Variants in IMPDH2 observed in about 807,000 individuals in gnomAD.
IMPDH2 encodes inosine monophosphate dehydrogenase 2.
In IMPDH2, 33 loss-of-function variants were observed where a neutral mutation model predicts 57.8. The observed-to-expected ratio is 0.57, with a 90% CI of 0.43 to 0.76. The LOEUF (loss-of-function observed/expected upper bound fraction) is 0.76. Ranked by LOEUF, IMPDH2 falls within the 30% of genes least tolerant of loss-of-function variation. The probability of loss-of-function intolerance (pLI) is 0.00; values close to 1 mark genes in which losing one functional copy is unlikely to be tolerated. For missense variants in IMPDH2, 446 were observed against 659.1 expected (o/e 0.68, Z 3.54); for synonymous variants, 270 against 241.3 (o/e 1.12, Z -1.10).
intron 9 of IMPDH2, chr3:49,025,555 G>A: frequency 2.2e-6 from 1 of 450,344 alleles, no homozygotes; most frequent in Non-Finnish European, 4.1e-6. Flanking sequence ...CCGTCCAGCT[G>A]GTATCAGATG....
Position 49,028,771 on chromosome 3 carries a change from G to A in IMPDH2, c.134C>T (p.Thr45Ile), listed in dbSNP as rs1470181253. ...GATCATACTCACCACCTGGTCTGCA[G>A]TGAAGTCGATGTACCCAGGGAGAAT... is the stretch of plus-strand genomic sequence containing the variant. ...FLILPGYIDF[T>I]ADQVDLTSAL... Residue 45 changes from threonine (T) to isoleucine (I), a missense_variant, in exon 2 of 14, where the codon ACT (threonine) becomes ATT (isoleucine). Coordinates refer to ENST00000326739, the MANE Select transcript of IMPDH2 (RefSeq NM_000884.3). 1 of 1,613,636 alleles carries A rather than the reference G, an allele frequency of 6.2e-7. No homozygotes were observed. Among genetic ancestry groups the A allele is most frequent in the African/African-American group, 1.3e-5 (1 of 74,922 alleles).
chr3:49,029,385 A>G lies in IMPDH2; in HGVS notation c.-35T>C. ...AGGACACCGCCGCGTGTCTCCGAGG[A>G]CCGCGCCGCAGAGACCTCTGCCGTC... On this transcript the variant is annotated 5_prime_UTR_variant, in exon 1 of 14. Transcript: ENST00000326739. 7.0e-7 allele frequency: 1 copy of G among 1,428,424 alleles called. No homozygotes were observed. Among genetic ancestry groups the G allele is most frequent in the Non-Finnish European group, 9.7e-7 (1 of 1,032,892 alleles). 88.5% of individuals were successfully genotyped at this position (1,428,424 alleles called of 1,614,324 possible).
rs372913213 is a variant in IMPDH2, at chr3:49,028,764, G to A, written c.141C>T (p.Asp47=). 2.5e-6 allele frequency: 4 copies of A among 1,613,230 alleles called. No individual in the cohort carries two copies. Among genetic ancestry groups the A allele is most frequent in the African/African-American group, 1.3e-5 (1 of 75,008 alleles). Residue 47 remains aspartate (D), a synonymous_variant, in exon 2 of 14, where the codon GAC becomes GAT. Coordinates refer to ENST00000326739, the MANE Select transcript of IMPDH2 (RefSeq NM_000884.3). The stretch of plus-strand genomic sequence containing the variant: ...AATTCCTGATCATACTCACCACCTG[G>A]TCTGCAGTGAAGTCGATGTACCCAG... The part of the protein sequence containing the change: ...ILPGYIDFTA[D]QVDLTSALTK...
rs757094983 is a variant in IMPDH2 at position 49,025,058 on chromosome 3, G to A, written c.1151-18C>T. ...CATCATGACTGCGGACAGATGGAGT[G>A]CTTGGGTTAGAGCCTAAGCAGCACT... On this transcript the variant is annotated intron_variant, in intron 10 of 13. Transcript: ENST00000326739. 1 of 1,614,244 alleles carries A rather than the reference G, an allele frequency of 6.2e-7. No individual in the cohort carries two copies. The highest frequency in any genetic ancestry group is 8.5e-7 in the Non-Finnish European group (1 of 1,180,044).
intron 11 of IMPDH2, 27 bp downstream of exon 11, chr3:49,024,869 G>A: frequency 6.2e-7 from 1 of 1,614,248 alleles, no homozygotes; most frequent in African/African-American, 1.3e-5. Context: ...CAGGATTAGG[G>A]TGGGGTAACT....
In IMPDH2 at chr3:49,024,420, C is replaced by CTGCTTCT; in HGVS notation, c.1524-17_1524-16insAGAAGCA. 2 of 1,614,056 alleles carry CTGCTTCT rather than the reference C, an allele frequency of 1.2e-6. No homozygotes were observed. Among genetic ancestry groups the CTGCTTCT allele is most frequent in the Non-Finnish European group, 1.7e-6 (2 of 1,179,984 alleles). On this transcript the variant is annotated splice_polypyrimidine_tract_variant and intron_variant, in intron 13 of 13. Coordinates refer to ENST00000326739, the MANE Select transcript of IMPDH2 (RefSeq NM_000884.3). ...CTTCTCATACCTGCAGGCAGAAGGA[C>CTGCTTCT]CACCTGTGAGGTGAGGGCAGGAGAA...
chr3:49,024,638 G>C (rs769438987), intron 12 of IMPDH2, 21 bp downstream of exon 12: 2 of 1,614,084 alleles, frequency 1.2e-6, no homozygotes, highest in African/African-American at 2.7e-5. Context: ...CTCTACCCAT[G>C]TCCCAGCTCC....
At position 49,026,695 on chromosome 3, in the gene IMPDH2, C is replaced by G. The variant is rs151081203; in HGVS notation, c.811G>C (p.Val271Leu). ...DLLAQAGVDV[V>L]VLDSSQGNSI... ...CCTGTGTAGCAGCTCACCAAAACCA[C>G]TACATCCACACCAGCCTGGGCGAGC... The change falls in exon 7 of 14, where the codon GTG (valine) becomes CTG (leucine). Residue 271 changes from valine (V) to leucine (L), a missense_variant. Val to Leu is a conservative substitution (Grantham distance 32). Transcript: ENST00000326739. The G allele has an allele frequency of 8.7e-6, 14 of 1,614,212 alleles. No individual in the cohort carries two copies. The Admixed American group carries it at 2.0e-4, about 23-fold the overall frequency.
chr3:49,025,363 C>T (rs1575308767), intron 9 of IMPDH2, 94 bp from the exon 10 acceptor site: 1 of 1,366,818 alleles, frequency 7.3e-7, no homozygotes, highest in Admixed American at 1.7e-5. Flanking sequence ...CTTTTGGCTA[C>T]ATCTGCATCA....
At chr3:49,025,472 A>C in intron 9 of IMPDH2, 1 of 599,062 alleles carries the variant, frequency 1.7e-6, no homozygotes, top group Non-Finnish European at 3.0e-6. Flanking sequence ...ACTCACCCCC[A>C]CATGTGCACG....
rs977987012 is a variant in IMPDH2, at chr3:49,028,531, T to G, written c.149A>C (p.Asp50Ala). The G allele has an allele frequency of 6.2e-7, 1 of 1,611,376 alleles. No individual in the cohort carries two copies. Among genetic ancestry groups the G allele is most frequent in the Non-Finnish European group, 8.5e-7 (1 of 1,177,688 alleles). Residue 50 changes from aspartate to alanine, a missense_variant and splice_region_variant, in exon 3 of 14, where the codon GAC (aspartate) becomes GCC (alanine). Transcript: ENST00000326739. The stretch of plus-strand genomic sequence containing the variant: ...TTTCTTGGTCAGAGCAGAAGTCAGG[T>G]CCTGAGGAGACAAACGTCAACCAGT... Reference protein sequence around the residue: ...GYIDFTADQVDLTSALTKKIT... With the variant: ...GYIDFTADQVALTSALTKKIT...
intron 13 of IMPDH2, 26 bp from the exon 14 acceptor site, chr3:49,024,430 G>C (rs756590404): frequency 3.7e-6 from 6 of 1,614,208 alleles, no homozygotes; most frequent in Non-Finnish European, 5.1e-6. Flanking sequence ...CCACCTGTGA[G>C]GTGAGGGCAG....
intron 4 of IMPDH2, 27 bp downstream of exon 4, chr3:49,028,221 C>G: frequency 1.3e-6 from 2 of 1,595,842 alleles, no homozygotes; most frequent in African/African-American, 1.3e-5. Context: ...CCCAGGAGCG[C>G]TTGCTAATGA....
At position 49,028,238 on chromosome 3, in the gene IMPDH2, C is replaced by A; in HGVS notation, c.324+10G>T. 1 of 1,612,760 alleles carries A rather than the reference C, an allele frequency of 6.2e-7. No individual in the cohort carries two copies. Among genetic ancestry groups the A allele is most frequent in the Non-Finnish European group, 8.5e-7 (1 of 1,178,736 alleles). On this transcript the variant is annotated intron_variant, in intron 4 of 13. Transcript: ENST00000326739. ...CAGGAGCGCTTGCTAATGATCGTTGCCCTTCTGACCTTCACTTTCCGAACT... is the reference window on the plus strand; with the variant it reads ...CAGGAGCGCTTGCTAATGATCGTTGACCTTCTGACCTTCACTTTCCGAACT...
chr3:49,026,186 C>T (rs866743040), intron 9 of IMPDH2, 138 bp downstream of exon 9: 15 of 706,826 alleles, frequency 2.1e-5, no homozygotes, highest in Middle Eastern at 2.6e-4. Context: ...CCAGCCATGT[C>T]ACCCATCCAA....
Position 49,024,411 on chromosome 3 carries a change from G to A in IMPDH2, c.1524-7C>T, listed in dbSNP as rs750080554. 6.2e-7 allele frequency: 1 copy of A among 1,614,172 alleles called. No individual in the cohort carries two copies. The highest frequency in any genetic ancestry group is 8.5e-7 in the Non-Finnish European group (1 of 1,180,018). ...GAAAAGCCGCTTCTCATACCTGCAGGCAGAAGGACCACCTGTGAGGTGAGG... is the reference window on the plus strand; with the variant it reads ...GAAAAGCCGCTTCTCATACCTGCAGACAGAAGGACCACCTGTGAGGTGAGG... On this transcript the variant is annotated splice_region_variant and splice_polypyrimidine_tract_variant and intron_variant, in intron 13 of 13. Coordinates refer to ENST00000326739, the MANE Select transcript of IMPDH2 (RefSeq NM_000884.3).
In IMPDH2 at chr3:49,025,229, C is replaced by T. The variant is rs1479078051; in HGVS notation, c.1047G>A (p.Lys349=). ...CAAAGCGCCGTGCATACTCTGACAC[C>T]TTGTACACTGCTGTTGCTTGGGGCC... ...CGRPQATAVY[K]VSEYARRFGV... The change falls in exon 10 of 14, where the codon AAG becomes AAA. Residue 349 remains lysine, a synonymous_variant. Transcript: ENST00000326739. 2 of 1,614,112 alleles carry T rather than the reference C, an allele frequency of 1.2e-6. No homozygotes were observed. Among genetic ancestry groups the T allele is most frequent in the African/African-American group, 2.7e-5 (2 of 74,934 alleles).
chr3:49,028,539 A>G lies in IMPDH2; in HGVS notation c.148-7T>C, dbSNP rs1168319181. The G allele has an allele frequency of 1.2e-6, 2 of 1,606,730 alleles. No homozygotes were observed. Among genetic ancestry groups the G allele is most frequent in the African/African-American group, 2.7e-5 (2 of 74,852 alleles). ...TCAGAGCAGAAGTCAGGTCCTGAGG[A>G]GACAAACGTCAACCAGTGTGGGAAA... is the stretch of plus-strand genomic sequence containing the variant. On this transcript the variant is annotated splice_region_variant and splice_polypyrimidine_tract_variant and intron_variant, in intron 2 of 13. Transcript: ENST00000326739.
At position 49,029,354 on chromosome 3, in the gene IMPDH2, C is replaced by A; in HGVS notation, c.-4G>T. The A allele has an allele frequency of 6.3e-7, 1 of 1,577,230 alleles. No individual in the cohort carries two copies. The highest frequency in any genetic ancestry group is 1.1e-5 in the South Asian group (1 of 87,514). ...CACTAATCAGGTAGTCGGCCATGGCCAACACAGGACACCGCCGCGTGTCTC... is the reference window on the plus strand; with the variant it reads ...CACTAATCAGGTAGTCGGCCATGGCAAACACAGGACACCGCCGCGTGTCTC... On this transcript the variant is annotated 5_prime_UTR_variant, in exon 1 of 14. Coordinates refer to ENST00000326739, the MANE Select transcript of IMPDH2 (RefSeq NM_000884.3).
Sources: allele counts gnomAD v4.1 joint callset, GRCh38; gene constraint gnomAD v4.1.1; transcripts MANE v1.5; gene names NCBI Gene and HGNC (gene_info 2026-07-23, HGNC 2026-07-21).